Variants in NOTCH2 observed in about 807,000 individuals in gnomAD.
NOTCH2 encodes notch receptor 2, also known as neurogenic locus notch homolog protein 2.
In NOTCH2, 29 loss-of-function variants were observed where a neutral mutation model predicts 235.8. The ratio of observed to expected loss-of-function variants is 0.12; its 90% confidence interval spans 0.09 to 0.17. The LOEUF (loss-of-function observed/expected upper bound fraction) is 0.17. Among genes scored for constraint, NOTCH2 ranks in the 10% least tolerant of loss-of-function variants. The pLI is 1.00. For synonymous variants in NOTCH2, 1,086 were observed against 1,141.5 expected (o/e 0.95, Z 0.98); for missense variants, 2,285 against 3,150.2 (o/e 0.73, Z 6.57).
At chr1:120,048,445 C>CTT (rs782527466) in intron 1 of NOTCH2, among the ~76,000 whole-genome samples, 10 of 100,462 alleles carry the variant, frequency 1.0e-4, no homozygotes, top group East Asian at 2.4e-4. Context: ...CCCAATACCA[C>CTT]TTTTTTTTTT....
intron 13 of NOTCH2, 27 bp from the exon 14 acceptor site, chr1:119,953,715 T>C (rs938631362): frequency 1.1e-5 from 17 of 1,606,382 alleles, no homozygotes; most frequent in Admixed American, 1.7e-5. Context: ...CTTTTTACTA[T>C]AGGAGGTATA....
At position 120,005,388 on chromosome 1, in the gene NOTCH2, C is replaced by T. The variant is rs2101242228; in HGVS notation, c.356G>A (p.Gly119Asp). The change falls in exon 3 of 34, where the codon GGC (glycine) becomes GAC (aspartate). Residue 119 changes from glycine (G) to aspartate (D), a missense_variant. Coordinates refer to ENST00000256646, the MANE Select transcript of NOTCH2 (RefSeq NM_024408.4). ...CFVSRPCLNGGTCHMLSRDTY... is the reference protein window; with the variant it reads ...CFVSRPCLNGDTCHMLSRDTY... Reference sequence around the variant, plus strand: ...ATCCCGGCTGAGCATATGGCATGTGCCGCCATTCAGGCAGGGTCGAGACAC... The same window carrying T: ...ATCCCGGCTGAGCATATGGCATGTGTCGCCATTCAGGCAGGGTCGAGACAC... 2 of 1,614,050 alleles carry T rather than the reference C, an allele frequency of 1.2e-6. No homozygotes were observed. Among genetic ancestry groups the T allele is most frequent in the African/African-American group, 1.3e-5 (1 of 75,070 alleles).
At chr1:119,927,877 A>G (rs894894964) in intron 23 of NOTCH2, among the ~76,000 whole-genome samples, 1 of 152,222 alleles carries the variant, frequency 6.6e-6, no homozygotes, top group Non-Finnish European at 1.5e-5. Context: ...CATTCTTTAC[A>G]AAATTCCAAG....
intron 1 of NOTCH2, among the ~76,000 whole-genome samples, chr1:120,067,361 A>C (rs1277475649): frequency 6.6e-6 from 1 of 151,548 alleles, no homozygotes; most frequent in Non-Finnish European, 1.5e-5. Context: ...GACTACCTAA[A>C]AGCTAGCTAA....
At chr1:119,947,628 G>A (rs1650309031) in intron 17 of NOTCH2, among the ~76,000 whole-genome samples, 1 of 152,132 alleles carries the variant, frequency 6.6e-6, no homozygotes, top group African/African-American at 2.4e-5. Context: ...ATACACTTAC[G>A]ACATGATTCA....
chr1:119,951,183 C>T (rs1202656293), intron 14 of NOTCH2, among the ~76,000 whole-genome samples: 1 of 152,154 alleles, frequency 6.6e-6, no homozygotes, highest in African/African-American at 2.4e-5. Context: ...GGGGGTCTCA[C>T]TCTTGTCATT....
chr1:119,966,799 G>T (rs1333700130), intron 8 of NOTCH2, among the ~76,000 whole-genome samples: 2 of 152,150 alleles, frequency 1.3e-5, no homozygotes, highest in Non-Finnish European at 2.9e-5. Flanking sequence ...ACTGTGGAAG[G>T]CCCAAAATGT....
intron 11 of NOTCH2, among the ~76,000 whole-genome samples, chr1:119,960,418 A>G (rs923068353): frequency 9.3e-5 from 14 of 151,062 alleles, no homozygotes; most frequent in African/African-American, 3.4e-4. Flanking sequence ...ACAGTATACA[A>G]TCATTATTGT....
At position 119,955,131 on chromosome 1, in the gene NOTCH2, C is replaced by T. The variant is rs782066959; in HGVS notation, c.2128G>A (p.Glu710Lys). 62 of 1,613,976 alleles carry T rather than the reference C, an allele frequency of 3.8e-5. No homozygotes were observed. Among genetic ancestry groups the T allele is most frequent in the Non-Finnish European group, 5.2e-5 (61 of 1,180,016 alleles). ...TAGCAGCTGGGGTGATGGGGTCCCT[C>T]GGGGCATATACAGCGGAAACCATTC... ...GVNGFRCICP[E>K]GPHHPSCYSQ... Residue 710 changes from glutamate (E) to lysine (K), a missense_variant, in exon 13 of 34, where the codon GAG becomes AAG. By Grantham distance (56) the Glu-to-Lys change is moderately conservative. Coordinates refer to ENST00000256646, the MANE Select transcript of NOTCH2 (RefSeq NM_024408.4).
chr1:119,983,219 A>G (rs1570714675), intron 5 of NOTCH2, among the ~76,000 whole-genome samples: 1 of 150,416 alleles, frequency 6.6e-6, no homozygotes, highest in Admixed American at 6.6e-5. Context: ...TTTTTGAGAC[A>G]GGTTCTTGGT....
intron 2 of NOTCH2, among the ~76,000 whole-genome samples, chr1:120,023,938 G>T (rs1365628101): frequency 6.6e-6 from 1 of 151,804 alleles, no homozygotes; most frequent in African/African-American, 2.4e-5. Flanking sequence ...TGTTATATGT[G>T]GTACTCATAA....
Position 119,960,467 on chromosome 1 carries a change from G to A in NOTCH2, c.1916-965C>T, listed in dbSNP as rs1303876896. Among the ~76,000 whole-genome samples the A allele has an allele frequency of 1.3e-5, 2 of 148,830 alleles. 1 individual carries two copies. Among genetic ancestry groups the A allele is most frequent in the South Asian group, 4.3e-4 (2 of 4,616 alleles). On this transcript the variant is annotated intron_variant, in intron 11 of 33. Transcript: ENST00000256646. ...AAAGAGATATTTGTGAAATATATTT[G>A]TAATATATTTCACAAATATCTCTTT...
In NOTCH2 at chr1:119,997,102, G is replaced by C. The variant is rs368370542; in HGVS notation, c.646C>G (p.Gln216Glu). Reference protein sequence around the residue: ...QCQCPQGFTGQYCDSLYVPCA... With the variant: ...QCQCPQGFTGEYCDSLYVPCA... ...GGCACATACAGGCTGTCACAGTACT[G>C]GCCTGTGAAGCCCTGAGGGCACTGG... Residue 216 changes from glutamine (Q) to glutamate (E), a missense_variant, in exon 4 of 34, where the codon CAG (glutamine) becomes GAG (glutamate). This residue lies in a region of NOTCH2 where 431 missense variants were observed against 757.8 expected (regional missense o/e 0.57). Coordinates refer to ENST00000256646, the MANE Select transcript of NOTCH2 (RefSeq NM_024408.4). 13 of 1,613,878 alleles carry C rather than the reference G, an allele frequency of 8.1e-6. No homozygotes were observed. The African/African-American group carries it at 1.7e-4, about 22-fold the overall frequency.
intron 15 of NOTCH2, 85 bp from the exon 16 acceptor site, chr1:119,949,211 C>T: frequency 2.1e-6 from 3 of 1,438,406 alleles, no homozygotes; most frequent in Non-Finnish European, 2.9e-6. Context: ...TCTCTGAATT[C>T]AAGTCAAAAG....
At chr1:119,925,279 A>G (rs777556028) in intron 25 of NOTCH2, 26 bp downstream of exon 25, 2 of 1,612,726 alleles carry the variant, frequency 1.2e-6, no homozygotes, top group African/African-American at 2.7e-5. Flanking sequence ...AGTCCCCTTC[A>G]GTTCTGGAAA....
In NOTCH2 at chr1:119,929,134, A is replaced by C; in HGVS notation, c.3734T>G (p.Ile1245Ser). Residue 1245 changes from isoleucine (I) to serine (S), a missense_variant, in exon 23 of 34, where the codon ATT (isoleucine) becomes AGT (serine). By Grantham distance (142) the Ile-to-Ser change is moderately radical. Coordinates refer to ENST00000256646, the MANE Select transcript of NOTCH2 (RefSeq NM_024408.4). ...CAAGCAGCGACAACTGTAGCCTCCAATCCTATCCATGCACTGACCACCATT... is the reference window on the plus strand; with the variant it reads ...CAAGCAGCGACAACTGTAGCCTCCACTCCTATCCATGCACTGACCACCATT... Reference protein sequence around the residue: ...CLNGGQCMDRIGGYSCRCLPG... With the variant: ...CLNGGQCMDRSGGYSCRCLPG... 6.2e-7 allele frequency: 1 copy of C among 1,614,224 alleles called. No individual in the cohort carries two copies. The highest frequency in any genetic ancestry group is 1.3e-5 in the African/African-American group (1 of 75,054).
At chr1:120,031,043 A>G (rs1654069776) in intron 1 of NOTCH2, among the ~76,000 whole-genome samples, 1 of 150,704 alleles carries the variant, frequency 6.6e-6, no homozygotes, top group Non-Finnish European at 1.5e-5. Flanking sequence ...TCCATCTCTT[A>G]TGATAGTTAA....
chr1:119,952,599 A>G (rs1215241742), intron 14 of NOTCH2, among the ~76,000 whole-genome samples: 1 of 152,172 alleles, frequency 6.6e-6, no homozygotes, highest in African/African-American at 2.4e-5. Flanking sequence ...ATCTAAGGCC[A>G]CCACTGATCT....
At position 119,937,369 on chromosome 1, in the gene NOTCH2, G is replaced by A. The variant is rs782572778; in HGVS notation, c.3435C>T (p.Tyr1145=). The change falls in exon 21 of 34, where the codon TAC becomes TAT. Residue 1145 remains tyrosine (Y), a synonymous_variant. Transcript: ENST00000256646. The part of the protein sequence containing the change: ...CQCPLGYTGS[Y]CEEQLDECAS... ...CACACTCATCGAGTTGCTCCTCACA[G>A]TAGCTCCCAGTATAGCCCAGGGGGC... 2 of 1,614,044 alleles carry A rather than the reference G, an allele frequency of 1.2e-6. No individual in the cohort carries two copies. The highest frequency in any genetic ancestry group is 1.7e-6 in the Non-Finnish European group (2 of 1,180,052).
Sources: allele counts gnomAD v4.1 joint callset (sites outside exome capture counted in the v4.1 genomes callset), GRCh38; gene constraint gnomAD v4.1.1; regional missense constraint gnomAD v4.1.1; transcripts MANE v1.5; gene names NCBI Gene and HGNC (gene_info 2026-07-23, HGNC 2026-07-21).